Variants in DOP1B observed in about 807,000 individuals in gnomAD.
DOP1B encodes the protein DOP1 leucine zipper like protein B.
Under a neutral mutation model 233.5 loss-of-function variants are expected in DOP1B, and 174 were observed. The observed-to-expected ratio is 0.75, with a 90% confidence interval of 0.66 to 0.85. The LOEUF (loss-of-function observed/expected upper bound fraction) is 0.85. DOP1B is among the 40% of genes least tolerant of loss of function. DOP1B has a pLI of 0.00. For missense variants in DOP1B, 2,652 were observed against 2,846.6 expected (o/e 0.93, Z 1.56); for synonymous variants, 1,190 against 1,185.6 (o/e 1.00, Z -0.08).
intron 2 of DOP1B, among the ~76,000 whole-genome samples, chr21:36,193,195 G>A (rs1341633017): frequency 6.6e-6 from 1 of 152,162 alleles, no homozygotes; most frequent in Non-Finnish European, 1.5e-5. Context: ...TAACGAAAGA[G>A]AGATTAACGA....
chr21:36,231,210 A>C, intron 14 of DOP1B, 76 bp downstream of exon 14: 1 of 1,486,030 alleles, frequency 6.7e-7, no homozygotes, highest in Non-Finnish European at 9.0e-7. Context: ...AATATCCCCT[A>C]TCCACAATGC....
chr21:36,207,499 G>GTTTTTTTTTT (rs1164791099), intron 4 of DOP1B, among the ~76,000 whole-genome samples: 2 of 89,620 alleles, frequency 2.2e-5, no homozygotes, highest in Admixed American at 1.2e-4. Flanking sequence ...AGTTTTTTTT[G>GTTTTTTTTTT]TTTTTTTTTT....
At chr21:36,189,783 G>T (rs990929945) in intron 2 of DOP1B, among the ~76,000 whole-genome samples, 1 of 151,990 alleles carries the variant, frequency 6.6e-6, no homozygotes, top group Non-Finnish European at 1.5e-5. Context: ...GGCTGAGACA[G>T]GTGGATCACG....
At chr21:36,258,698 A>G (rs1347263621) in intron 23 of DOP1B, among the ~76,000 whole-genome samples, 1 of 152,172 alleles carries the variant, frequency 6.6e-6, no homozygotes, top group African/African-American at 2.4e-5. Context: ...ACAATGCTCT[A>G]TGTGCACTGA....
intron 32 of DOP1B, among the ~76,000 whole-genome samples, chr21:36,283,275 G>T (rs1365896750): frequency 2.6e-5 from 4 of 151,954 alleles, no homozygotes; most frequent in Non-Finnish European, 5.9e-5. Context: ...TAGAGACAGG[G>T]TTTCACCATG....
At chr21:36,164,561 A>C (rs999031500) in intron 1 of DOP1B, 147 bp from the exon 2 acceptor site, 4 of 493,594 alleles carry the variant, frequency 8.1e-6, no homozygotes, top group Non-Finnish European at 1.3e-5. Context: ...CCTGGCCCAG[A>C]AGCCTTGCTA....
At chr21:36,196,817 G>A (rs2066295669) in intron 2 of DOP1B, among the ~76,000 whole-genome samples, 1 of 152,132 alleles carries the variant, frequency 6.6e-6, no homozygotes, top group African/African-American at 2.4e-5. Flanking sequence ...CTATTCAGGA[G>A]GCCAAGGTGG....
intron 10 of DOP1B, 91 bp downstream of exon 10, chr21:36,219,583 G>T: frequency 6.5e-7 from 1 of 1,544,960 alleles, no homozygotes; most frequent in Non-Finnish European, 8.8e-7. Flanking sequence ...AAATTGTGAA[G>T]TGGTAGAGAA....
intron 22 of DOP1B, among the ~76,000 whole-genome samples, chr21:36,251,537 AGCCTCCCATGTAACTGGAATTATAGGT>A (rs1388648937): frequency 6.6e-6 from 1 of 152,136 alleles, no homozygotes; most frequent in Non-Finnish European, 1.5e-5. Flanking sequence ...CTCCTGCCTC[AGCCTCCCATGTAACTGGAATTATAGGT>A]GCCCGCCACC....
At chr21:36,280,396 C>A in intron 31 of DOP1B, 50 bp downstream of exon 31, 1 of 1,330,518 alleles carries the variant, frequency 7.5e-7, no homozygotes, top group Non-Finnish European at 1.1e-6. Flanking sequence ...GGATCAATGC[C>A]AATATAACCA....
intron 17 of DOP1B, 125 bp downstream of exon 17, chr21:36,238,826 G>A (rs1381794374): frequency 2.2e-6 from 2 of 902,004 alleles, no homozygotes; most frequent in Non-Finnish European, 1.7e-6. Flanking sequence ...CATATGACCG[G>A]GTGTGGTGGC....
chr21:36,182,040 T>C (rs1358843800), intron 2 of DOP1B, among the ~76,000 whole-genome samples: 2 of 152,246 alleles, frequency 1.3e-5, no homozygotes, highest in Non-Finnish European at 2.9e-5. Flanking sequence ...AGTTCTGCCT[T>C]ATATATTACT....
At chr21:36,224,721 G>A (rs564198845) in intron 11 of DOP1B, among the ~76,000 whole-genome samples, 36 of 150,196 alleles carry the variant, frequency 2.4e-4, no homozygotes, top group Middle Eastern at 3.4e-3. Flanking sequence ...CATTTATCTA[G>A]TAGCCTGTTT....
chr21:36,200,548 A>G, intron 4 of DOP1B, 47 bp downstream of exon 4: 1 of 1,536,248 alleles, frequency 6.5e-7, no homozygotes, highest in Non-Finnish European at 8.7e-7. Flanking sequence ...CTGCTTTATA[A>G]GACGCGGGGA....
At chr21:36,219,308 A>T in intron 9 of DOP1B, 64 bp from the exon 10 acceptor site, 2 of 1,600,978 alleles carry the variant, frequency 1.2e-6, no homozygotes, top group Non-Finnish European at 1.7e-6. Flanking sequence ...GTATATACAT[A>T]TGTCACTTAC....
intron 26 of DOP1B, among the ~76,000 whole-genome samples, chr21:36,269,379 G>A (rs1394239105): frequency 2.0e-5 from 3 of 149,830 alleles, no homozygotes; most frequent in East Asian, 2.0e-4. Flanking sequence ...GGTCTCAAAC[G>A]CCTGACCTCA....
intron 18 of DOP1B, among the ~76,000 whole-genome samples, chr21:36,241,110 C>T (rs1423290410): frequency 6.6e-6 from 1 of 151,732 alleles, no homozygotes; most frequent in Non-Finnish European, 1.5e-5. Flanking sequence ...CTGGCTAACA[C>T]GGTGAAACCC....
chr21:36,191,539 A>C, intron 2 of DOP1B, among the ~76,000 whole-genome samples: 2 of 152,244 alleles, frequency 1.3e-5, no homozygotes, highest in Middle Eastern at 6.8e-3. Context: ...TAATCCCAAC[A>C]CTTTGGGAGG....
chr21:36,269,881 A>G (rs1601467786), intron 26 of DOP1B, 132 bp from the exon 27 acceptor site: 7 of 894,318 alleles, frequency 7.8e-6, no homozygotes, highest in Middle Eastern at 5.2e-4. Context: ...TGTGGCTCCT[A>G]GAAAGCTTAA....
Sources: allele counts gnomAD v4.1 joint callset (sites outside exome capture counted in the v4.1 genomes callset), GRCh38; gene constraint gnomAD v4.1.1; transcripts MANE v1.5; gene names NCBI Gene and HGNC (gene_info 2026-07-23, HGNC 2026-07-21).